RALYL: variants seen among roughly 807,000 people sequenced by gnomAD.
The protein encoded by RALYL is RNA-binding Raly-like protein.
Under a neutral mutation model 35.1 loss-of-function variants are expected in RALYL, and 29 were observed. The ratio of observed to expected loss-of-function variants is 0.83; its 90% CI spans 0.61 to 1.13. The LOEUF is 1.13. Ranked by LOEUF, RALYL falls within the 50% of genes most tolerant of loss-of-function variation. The probability of loss-of-function intolerance (pLI) is 0.00; values close to 1 mark genes in which losing one functional copy is unlikely to be tolerated. For missense variants in RALYL, 359 were observed against 360.4 expected (o/e 1.00, Z 0.03); for synonymous variants, 120 against 127.6 (o/e 0.94, Z 0.40).
chr8:84,802,784 T>C (rs1317138317), intron 3 of RALYL, among the ~76,000 whole-genome samples: 2 of 152,100 alleles, frequency 1.3e-5, no homozygotes, highest in African/African-American at 4.8e-5. Flanking sequence ...AGTGGCAGCA[T>C]TGATGGAAGC....
rs898306748 is a variant in RALYL, at chr8:84,850,095, T to C, written c.413+68T>C. 17 of 791,896 alleles carry C rather than the reference T, an allele frequency of 2.1e-5. 1 individual carries two copies. Among genetic ancestry groups the C allele is most frequent in the Non-Finnish European group, 3.3e-5 (17 of 514,218 alleles). 49.1% of individuals were successfully genotyped at this position (791,896 alleles called of 1,614,324 possible). A position where few individuals can be genotyped will look rare whatever the true frequency, so the allele number is the denominator to read the frequency against. On this transcript the variant is annotated intron_variant, in intron 5 of 8. Transcript: ENST00000521268. Reference sequence around the variant, plus strand: ...TCTTTTAACCATTTTGTACATTTTATTCATGGGTGCTCTTAATTATGGTAT... The same window carrying C: ...TCTTTTAACCATTTTGTACATTTTACTCATGGGTGCTCTTAATTATGGTAT...
chr8:84,706,550 A>G (rs577579531), intron 2 of RALYL, among the ~76,000 whole-genome samples: 5 of 152,202 alleles, frequency 3.3e-5, no homozygotes, highest in African/African-American at 1.2e-4. Context: ...ATTTAACAGG[A>G]TATTCATTGC....
intron 2 of RALYL, among the ~76,000 whole-genome samples, chr8:84,615,321 T>C (rs1243209861): frequency 6.8e-6 from 1 of 146,184 alleles, no homozygotes; most frequent in Non-Finnish European, 1.5e-5. Flanking sequence ...CCTTTCCTGC[T>C]ATCATGTTAA....
chr8:84,542,183 A>C (rs1280758297), intron 2 of RALYL, among the ~76,000 whole-genome samples: 4 of 151,880 alleles, frequency 2.6e-5, no homozygotes, highest in African/African-American at 9.7e-5. Flanking sequence ...AGTTCTGTAT[A>C]CTTTACTGTA....
chr8:84,233,355 T>A (rs1825795614), intron 1 of RALYL, among the ~76,000 whole-genome samples: 1 of 152,170 alleles, frequency 6.6e-6, no homozygotes, highest in African/African-American at 2.4e-5. Context: ...AAAAATCTGA[T>A]GCATTTGGTG....
At chr8:84,390,626 G>A (rs537544115) in intron 1 of RALYL, among the ~76,000 whole-genome samples, 3 of 152,062 alleles carry the variant, frequency 2.0e-5, no homozygotes, top group Non-Finnish European at 4.4e-5. Flanking sequence ...TAGTTTATTT[G>A]TGTAGAGGTG....
At chr8:84,819,959 C>T (rs1828157995) in intron 4 of RALYL, among the ~76,000 whole-genome samples, 1 of 152,004 alleles carries the variant, frequency 6.6e-6, no homozygotes, top group Admixed American at 6.6e-5. Flanking sequence ...TTGGTATCAT[C>T]ATATATCATA....
At chr8:84,781,485 A>G (rs1380025538) in intron 3 of RALYL, among the ~76,000 whole-genome samples, 1 of 152,198 alleles carries the variant, frequency 6.6e-6, no homozygotes, top group Non-Finnish European at 1.5e-5. Context: ...ATCTTCTGGC[A>G]TATAGAAAGA....
At chr8:84,626,883 G>A (rs1822844421) in intron 2 of RALYL, among the ~76,000 whole-genome samples, 1 of 152,138 alleles carries the variant, frequency 6.6e-6, no homozygotes, top group East Asian at 1.9e-4. Flanking sequence ...GGTATTGGTA[G>A]AGCACCTTAC....
At chr8:84,691,863 A>C (rs1259218767) in intron 2 of RALYL, among the ~76,000 whole-genome samples, 1 of 152,112 alleles carries the variant, frequency 6.6e-6, no homozygotes, top group Admixed American at 6.6e-5. Context: ...AAATATTAGC[A>C]AATCAAATGC....
intron 1 of RALYL, chr8:84,184,736 G>A (rs1038659371): frequency 9.7e-6 from 4 of 414,460 alleles, no homozygotes; most frequent in South Asian, 6.7e-5. Context: ...CGCCGGCCGG[G>A]CACTAGGCGG....
chr8:84,800,885 G>C (rs752703984), intron 3 of RALYL, among the ~76,000 whole-genome samples: 6 of 151,972 alleles, frequency 3.9e-5, no homozygotes, highest in Non-Finnish European at 7.4e-5. Flanking sequence ...GAATTAACCT[G>C]TTTCTGGTAT....
intron 1 of RALYL, among the ~76,000 whole-genome samples, chr8:84,528,722 T>C (rs1336565673): frequency 6.6e-6 from 1 of 152,148 alleles, no homozygotes; most frequent in Non-Finnish European, 1.5e-5. Context: ...TTTAAAATTG[T>C]GGTTTTCTTA....
chr8:84,901,858 A>G (rs1845754270), intron 8 of RALYL, among the ~76,000 whole-genome samples: 1 of 152,122 alleles, frequency 6.6e-6, no homozygotes, highest in African/African-American at 2.4e-5. Context: ...TTAGTCATGA[A>G]TGAGGGCAAG....
At chr8:84,316,878 C>A (rs943266616) in intron 1 of RALYL, among the ~76,000 whole-genome samples, 1 of 152,236 alleles carries the variant, frequency 6.6e-6, no homozygotes, top group South Asian at 2.1e-4. Context: ...GCTACTGCTT[C>A]TTTTTATGTG....
At chr8:84,670,339 T>C (rs1319962184) in intron 2 of RALYL, among the ~76,000 whole-genome samples, 1 of 152,172 alleles carries the variant, frequency 6.6e-6, no homozygotes, top group African/African-American at 2.4e-5. Context: ...TTGAACACAA[T>C]ACTTGTACAC....
chr8:84,501,689 T>C (rs2056675700), intron 1 of RALYL, among the ~76,000 whole-genome samples: 1 of 151,828 alleles, frequency 6.6e-6, no homozygotes, highest in Non-Finnish European at 1.5e-5. Flanking sequence ...TATTTATTTA[T>C]AAATCTACAT....
chr8:84,425,206 C>A (rs545805937), intron 1 of RALYL, among the ~76,000 whole-genome samples: 3 of 152,194 alleles, frequency 2.0e-5, no homozygotes, highest in African/African-American at 7.2e-5. Context: ...AGCGAGATTC[C>A]GTGGGCATAG....
chr8:84,307,260 C>T (rs1258497573), intron 1 of RALYL, among the ~76,000 whole-genome samples: 1 of 152,112 alleles, frequency 6.6e-6, no homozygotes, highest in Non-Finnish European at 1.5e-5. Flanking sequence ...CATTTATGGG[C>T]ACACTTCACC....
Sources: gnomAD v4.1 joint callset for allele counts (sites outside exome capture counted in the v4.1 genomes callset) on GRCh38, gnomAD v4.1.1 for gene constraint, MANE v1.5 for transcripts, NCBI Gene and HGNC (gene_info 2026-07-23, HGNC 2026-07-21) for gene names.